The following PAX2 variants were observed in gnomAD, a reference collection of about 807,000 sequenced individuals.
PAX2 encodes the protein paired box protein Pax-2.
PAX2 carries 9 observed loss-of-function variants against 41.7 expected under a neutral mutation model. The observed-to-expected ratio is 0.22, with a 90% CI of 0.13 to 0.38. PAX2 has a LOEUF of 0.38. Among genes scored for constraint, PAX2 ranks in the 10% least tolerant of loss-of-function variants. The probability of loss-of-function intolerance (pLI) is 1.00; values close to 1 mark genes in which losing one functional copy is unlikely to be tolerated. For synonymous variants in PAX2, 221 were observed against 212.7 expected, an observed-to-expected ratio of 1.04 and a Z score of -0.34; for missense variants, 418 against 531.6, an observed-to-expected ratio of 0.79 and a Z score of 2.10.
chr10:100,748,057 C>T lies in PAX2; in HGVS notation c.44-1689C>T. 1 of 984,954 alleles carries T rather than the reference C, an allele frequency of 1.0e-6. No homozygotes were observed. The allele number at this position is 984,954 out of a possible 1,614,324, so 61.0% of individuals were successfully genotyped here. ...CCGCAGCCCGAGTCGGTGCTGGCGG[C>T]CGTGGCGCATTCCAGGCCCGACTCA... On this transcript the variant is annotated intron_variant, in intron 1 of 9. Transcript: ENST00000355243. The surrounding 1 kb of genome is among the most constrained non-coding windows in gnomAD (Gnocchi z 5.0).
At chr10:100,781,179 G>A in intron 4 of PAX2, 67 bp from the exon 5 acceptor site, 1 of 1,556,602 alleles carries the variant, frequency 6.4e-7, no homozygotes, top group South Asian at 1.1e-5. Flanking sequence ...CAGCCTTGGG[G>A]CTTTGGCCTA....
chr10:100,775,993 C>T (rs1462966426), intron 3 of PAX2, among the ~76,000 whole-genome samples: 1 of 152,232 alleles, frequency 6.6e-6, no homozygotes, highest in East Asian at 1.9e-4. Context: ...CTAACACCTC[C>T]CTGGAGTCTG....
upstream of PAX2, among the ~76,000 whole-genome samples, chr10:100,745,282 C>T (rs1036553695): frequency 6.6e-6 from 1 of 152,182 alleles, no homozygotes; most frequent in Non-Finnish European, 1.5e-5. Flanking sequence ...TAGTTTTAAT[C>T]CCGGGCTCCC....
chr10:100,782,476 G>A (rs2133900420), intron 5 of PAX2, among the ~76,000 whole-genome samples: 1 of 152,362 alleles, frequency 6.6e-6, no homozygotes, highest in East Asian at 1.9e-4. Context: ...GCAGAGAAAA[G>A]GGACAACACT....
Position 100,826,964 on chromosome 10 carries a change from C to G in PAX2, c.1022-45C>G, listed in dbSNP as rs371188915. 10 of 1,375,930 alleles carry G rather than the reference C, an allele frequency of 7.3e-6. No homozygotes were observed. The African/African-American group carries it at 1.4e-4, about 20-fold the overall frequency. 85.2% of individuals were successfully genotyped at this position (1,375,930 alleles called of 1,614,324 possible). A position where few individuals can be genotyped will look rare whatever the true frequency, so the allele number is the denominator to read the frequency against. On this transcript the variant is annotated intron_variant, in intron 8 of 9. Coordinates refer to ENST00000355243, the MANE Select transcript of PAX2 (RefSeq NM_000278.5). This position sits in a 1 kb window ranked among gnomAD's most constrained non-coding sequence, Gnocchi z 5.5. ...CACCGGCCGGACTCGTGGGGTCCGC[C>G]CTGGCTTGCAGGCGTCTGATCCCCA...
chr10:100,822,141 A>C (rs960457250), intron 7 of PAX2, among the ~76,000 whole-genome samples: 1 of 152,150 alleles, frequency 6.6e-6, no homozygotes, highest in Non-Finnish European at 1.5e-5. Context: ...TAGGAGTCAA[A>C]AGTGATCTCT....
At chr10:100,741,434 T>C (rs1261083031), upstream of PAX2, among the ~76,000 whole-genome samples, 6 of 85,378 alleles carry the variant, frequency 7.0e-5, no homozygotes, top group African/African-American at 1.8e-4. Context: ...AAAAAAACCA[T>C]CCTCCAACGT....
chr10:100,801,033 C>T (rs974956349), intron 5 of PAX2, among the ~76,000 whole-genome samples: 1 of 152,228 alleles, frequency 6.6e-6, no homozygotes, highest in African/African-American at 2.4e-5. Context: ...TTTTGGAGTT[C>T]TCTTCGTTTG....
chr10:100,749,546 C>G, intron 1 of PAX2, 200 bp from the exon 2 acceptor site: 1 of 1,372,930 alleles, frequency 7.3e-7, no homozygotes, highest in Non-Finnish European at 9.4e-7. Flanking sequence ...CGCCCAGCCC[C>G]CAGTCTTCAG....
In PAX2 at chr10:100,761,398, G is replaced by A. The variant is rs139471971; in HGVS notation, c.410+10507G>A. 1.3e-3 allele frequency among the ~76,000 whole-genome samples: 193 copies of A among 152,200 alleles called. 2 individuals carry two copies. Among genetic ancestry groups the A allele is most frequent in the African/African-American group, 4.5e-3 (186 of 41,510 alleles). ...CCTCGTTTCCTCTGAACTTGGCTCT[G>A]TGGATCAGGTCACTCCTGGCCCCAT... is the stretch of plus-strand genomic sequence containing the variant. On this transcript the variant is annotated intron_variant, in intron 3 of 9. Coordinates refer to ENST00000355243, the MANE Select transcript of PAX2 (RefSeq NM_000278.5).
chr10:100,800,514 A>G (rs1847523324), intron 5 of PAX2, among the ~76,000 whole-genome samples: 1 of 152,024 alleles, frequency 6.6e-6, no homozygotes, highest in Non-Finnish European at 1.5e-5. Context: ...GACACAAGCA[A>G]TCCTCCAGCC....
At chr10:100,803,075 A>T in intron 5 of PAX2, among the ~76,000 whole-genome samples, 1 of 145,452 alleles carries the variant, frequency 6.9e-6, no homozygotes, top group African/African-American at 2.6e-5. Flanking sequence ...TTCCTTTTTG[A>T]CTCTTCCTCC....
intron 1 of PAX2, chr10:100,749,147 A>G: frequency 1.0e-6 from 1 of 985,722 alleles, no homozygotes; most frequent in Non-Finnish European, 1.2e-6. Flanking sequence ...ACAACACAGG[A>G]AAGAGGTAGA....
chr10:100,746,224 GGCGGCGGCCGCGCTGC>G lies in PAX2; in HGVS notation c.-36_-21del. 1 of 1,613,046 alleles carries G rather than the reference GGCGGCGGCCGCGCTGC, an allele frequency of 6.2e-7. No individual in the cohort carries two copies. The highest frequency in any genetic ancestry group is 8.5e-7 in the Non-Finnish European group (1 of 1,179,668). ...AGTTGAGTTTGAGAGGCGACACGGC[GGCGGCGGCCGCGCTGC>G]TCCCGCTCCTCTGCCTCCCCATGGA... On this transcript the variant is annotated 5_prime_UTR_variant, in exon 1 of 10. Coordinates refer to ENST00000355243, the MANE Select transcript of PAX2 (RefSeq NM_000278.5).
intron 5 of PAX2, among the ~76,000 whole-genome samples, chr10:100,804,504 C>G (rs140335713): frequency 6.6e-6 from 1 of 152,212 alleles, no homozygotes; most frequent in African/African-American, 2.4e-5. Flanking sequence ...TAGGAGGGCT[C>G]CAGGAAGGGA....
Position 100,750,593 on chromosome 10 carries a change from C to T in PAX2, c.213-101C>T. The stretch of plus-strand genomic sequence containing the variant: ...GGGCCTTTTCCCTCCACTCCGCTGC[C>T]TCGGCCGGGCAGGAGAGTGGCTCAG... On this transcript the variant is annotated intron_variant, in intron 2 of 9. Transcript: ENST00000355243. This position sits in a 1 kb window ranked among gnomAD's most constrained non-coding sequence, Gnocchi z 4.1. 1 of 1,076,030 alleles carries T rather than the reference C, an allele frequency of 9.3e-7. No homozygotes were observed. The highest frequency in any genetic ancestry group is 1.4e-6 in the Non-Finnish European group (1 of 720,060). 66.7% of individuals were successfully genotyped at this position (1,076,030 alleles called of 1,614,324 possible).
chr10:100,745,686 G>A lies in PAX2; in HGVS notation c.-575G>A. On this transcript the variant is annotated 5_prime_UTR_variant, in exon 1 of 10. Transcript: ENST00000355243. ...TCCCTCCCGGCCCTTCGGCCGCGGC[G>A]GCGTGCGCCTGCCTTTTCCGGGGGC... is the stretch of plus-strand genomic sequence containing the variant. 2 of 939,858 alleles carry A rather than the reference G, an allele frequency of 2.1e-6. No individual in the cohort carries two copies. Among genetic ancestry groups the A allele is most frequent in the Non-Finnish European group, 2.6e-6 (2 of 776,756 alleles). 58.2% of individuals were successfully genotyped at this position (939,858 alleles called of 1,614,324 possible). A position where few individuals can be genotyped will look rare whatever the true frequency, so the allele number is the denominator to read the frequency against.
chr10:100,804,076 T>C (rs1847670384), intron 5 of PAX2, among the ~76,000 whole-genome samples: 1 of 152,160 alleles, frequency 6.6e-6, no homozygotes, highest in Admixed American at 6.5e-5. Flanking sequence ...TTCGCCGGCC[T>C]CTGCCACCAG....
At position 100,757,163 on chromosome 10, in the gene PAX2, GTGTT is replaced by G. The variant is rs1236373232; in HGVS notation, c.410+6276_410+6279del. On this transcript the variant is annotated intron_variant, in intron 3 of 9. Transcript: ENST00000355243. ...ATCTTCTGTGCGTGTGGATTTGTGTGTGTTTGTGGGTACCTACCTATGTCTGCTT... is the reference window on the plus strand; with the variant it reads ...ATCTTCTGTGCGTGTGGATTTGTGTGTGTGGGTACCTACCTATGTCTGCTT... 5.3e-5 allele frequency among the ~76,000 whole-genome samples: 8 copies of G among 152,324 alleles called. No homozygotes were observed. In the East Asian group the frequency reaches 1.5e-3, roughly 29 times the overall value.
Sources: gnomAD v4.1 joint callset for allele counts (sites outside exome capture counted in the v4.1 genomes callset) on GRCh38, gnomAD v4.1.1 for gene constraint, Gnocchi (gnomAD v3.1) non-coding constraint, MANE v1.5 for transcripts, NCBI Gene and HGNC (gene_info 2026-07-23, HGNC 2026-07-21) for gene names.